Variants in DOCK1 observed in about 807,000 individuals in gnomAD.
DOCK1 encodes the protein dedicator of cytokinesis protein 1.
In DOCK1, 138 loss-of-function variants were observed where a neutral mutation model predicts 262.7. The observed-to-expected ratio is 0.53, with a 90% CI of 0.46 to 0.61. DOCK1 has a LOEUF of 0.61. Among genes scored for constraint, DOCK1 ranks in the 20% least tolerant of loss-of-function variants. The pLI, the probability that DOCK1 is intolerant of heterozygous loss-of-function variation, is 0.00. For missense variants in DOCK1, 1,908 were observed against 2,370.7 expected, an observed-to-expected ratio of 0.80 and a Z score of 4.05; for synonymous variants, 866 against 867.4, an observed-to-expected ratio of 1.00 and a Z score of 0.03.
chr10:126,952,921 A>G lies in DOCK1; in HGVS notation c.47-17781A>G, dbSNP rs1032218521. Among the ~76,000 whole-genome samples, 5 of 143,968 alleles carry G rather than the reference A, an allele frequency of 3.5e-5. 1 individual carries two copies. Among genetic ancestry groups the G allele is most frequent in the African/African-American group, 1.3e-4 (5 of 38,444 alleles). 94.4% of individuals were successfully genotyped at this position (143,968 alleles called of 152,430 possible). ...TGATGGTGGTGGTGATAGTATTGTT[A>G]TTGTTGGTAGTATTGTTGGTGATGG... On this transcript the variant is annotated intron_variant, in intron 1 of 51. Transcript: ENST00000623213.
At chr10:127,276,863 A>C (rs1009073232) in intron 29 of DOCK1, among the ~76,000 whole-genome samples, 2 of 135,736 alleles carry the variant, frequency 1.5e-5, no homozygotes, top group Non-Finnish European at 3.5e-5. Context: ...GCCATTTCCT[A>C]TTGCTGACTT....
chr10:127,293,678 A>T (rs1177322104), intron 29 of DOCK1, among the ~76,000 whole-genome samples: 1 of 152,214 alleles, frequency 6.6e-6, no homozygotes, highest in East Asian at 1.9e-4. Flanking sequence ...TGCCTGCCCT[A>T]TGAACCAGAA....
intron 4 of DOCK1, among the ~76,000 whole-genome samples, chr10:126,983,874 C>A (rs1591532024): frequency 6.6e-6 from 1 of 152,220 alleles, no homozygotes; most frequent in African/African-American, 2.4e-5. Context: ...CCATGCTTTT[C>A]CCAGTACTGA....
At chr10:127,409,447 T>C in intron 42 of DOCK1, 56 bp downstream of exon 42, 12 of 1,550,290 alleles carry the variant, frequency 7.7e-6, no homozygotes, top group Non-Finnish European at 9.8e-6. Flanking sequence ...TGTGTACAGA[T>C]CTCTTGCTAA....
At chr10:127,229,828 T>G (rs1383852453) in intron 27 of DOCK1, among the ~76,000 whole-genome samples, 20 of 152,180 alleles carry the variant, frequency 1.3e-4, no homozygotes, top group Non-Finnish European at 2.8e-4. Context: ...TAATGGCTGT[T>G]TACAAATTTA....
At chr10:127,094,608 T>C (rs2047791161) in intron 23 of DOCK1, among the ~76,000 whole-genome samples, 1 of 152,174 alleles carries the variant, frequency 6.6e-6, no homozygotes, top group African/African-American at 2.4e-5. Context: ...AGGCAGAATA[T>C]TCTGCGCCAT....
In DOCK1 at chr10:127,054,381, G is replaced by C. The variant is rs1026717883; in HGVS notation, c.2336+1566G>C. Among the ~76,000 whole-genome samples the C allele has an allele frequency of 1.1e-4, 17 of 152,076 alleles. 1 individual carries two copies. Among genetic ancestry groups the C allele is most frequent in the African/African-American group, 2.9e-4 (12 of 41,424 alleles). On this transcript the variant is annotated intron_variant, in intron 22 of 51. Transcript: ENST00000623213. ...CCACAGTCCTCGTGCTGCCATTTTTGCATACAAATATGGCATGTTTGAGGG... is the reference window on the plus strand; with the variant it reads ...CCACAGTCCTCGTGCTGCCATTTTTCCATACAAATATGGCATGTTTGAGGG...
intron 47 of DOCK1, among the ~76,000 whole-genome samples, chr10:127,431,206 G>T (rs537915738): frequency 1.3e-5 from 2 of 152,286 alleles, no homozygotes; most frequent in African/African-American, 4.8e-5. Context: ...ACAGTGTCTG[G>T]CCGTGGAGTC....
At chr10:127,086,224 A>C (rs1591966511) in intron 23 of DOCK1, among the ~76,000 whole-genome samples, 2 of 128,810 alleles carry the variant, frequency 1.6e-5, no homozygotes, top group Non-Finnish European at 1.6e-5. Context: ...TGGAAACCCC[A>C]CCTCCCATCC....
intron 27 of DOCK1, among the ~76,000 whole-genome samples, chr10:127,233,878 T>A (rs1157900151): frequency 2.6e-5 from 4 of 152,236 alleles, no homozygotes; most frequent in Non-Finnish European, 5.9e-5. Context: ...ATCCATACGA[T>A]GTGATTTCGG....
At chr10:126,980,008 C>T (rs1019049804) in intron 3 of DOCK1, among the ~76,000 whole-genome samples, 1 of 152,158 alleles carries the variant, frequency 6.6e-6, no homozygotes, top group Admixed American at 6.5e-5. Flanking sequence ...GTTGTCTCCA[C>T]CTGTGGACAT....
chr10:126,996,691 G>C, intron 6 of DOCK1, 57 bp from the exon 7 acceptor site: 1 of 1,498,456 alleles, frequency 6.7e-7, no homozygotes, highest in Non-Finnish European at 8.9e-7. Flanking sequence ...AGTTGTGCTA[G>C]AAAATTCAGC....
chr10:127,245,520 G>A (rs1356941051), intron 27 of DOCK1, among the ~76,000 whole-genome samples: 1 of 152,132 alleles, frequency 6.6e-6, no homozygotes, highest in Non-Finnish European at 1.5e-5. Flanking sequence ...CTTCCCCACG[G>A]GGCATTTACA....
At chr10:127,289,262 G>T (rs2061267300) in intron 29 of DOCK1, among the ~76,000 whole-genome samples, 1 of 152,164 alleles carries the variant, frequency 6.6e-6, no homozygotes, top group Admixed American at 6.5e-5. Context: ...GTATTCTGGA[G>T]ACTGGCGTGT....
intron 1 of DOCK1, among the ~76,000 whole-genome samples, chr10:126,969,826 A>G (rs886605608): frequency 1.3e-5 from 2 of 151,984 alleles, no homozygotes; most frequent in Admixed American, 1.3e-4. Context: ...ATTTTAGAGA[A>G]TTTTAGAGGT....
At chr10:127,440,815 C>A (rs897966160) in intron 49 of DOCK1, among the ~76,000 whole-genome samples, 1 of 152,254 alleles carries the variant, frequency 6.6e-6, no homozygotes, top group East Asian at 1.9e-4. Flanking sequence ...GATGTCAGAC[C>A]AGGGGGGCAC....
chr10:127,364,054 C>T (rs1197698102), intron 33 of DOCK1, among the ~76,000 whole-genome samples: 1 of 152,252 alleles, frequency 6.6e-6, no homozygotes, highest in Non-Finnish European at 1.5e-5. Flanking sequence ...CTTCTCTTCT[C>T]TCAAGGCCGG....
chr10:127,127,084 C>T (rs2050010856), intron 26 of DOCK1, among the ~76,000 whole-genome samples: 1 of 152,104 alleles, frequency 6.6e-6, no homozygotes, highest in Admixed American at 6.6e-5. Flanking sequence ...GGCCAAAGCT[C>T]ACAGAGGAGG....
chr10:127,186,776 G>A (rs1302324572), intron 27 of DOCK1, among the ~76,000 whole-genome samples: 1 of 152,060 alleles, frequency 6.6e-6, no homozygotes, highest in African/African-American at 2.4e-5. Context: ...ACGTGGAGAG[G>A]AAGGAGAAGG....
Sources: allele counts gnomAD v4.1 joint callset (sites outside exome capture counted in the v4.1 genomes callset), GRCh38; gene constraint gnomAD v4.1.1; transcripts MANE v1.5; gene names NCBI Gene and HGNC (gene_info 2026-07-23, HGNC 2026-07-21).